ZNF568: variants seen among roughly 807,000 people sequenced by gnomAD.
The protein encoded by ZNF568 is zinc finger protein 568.
A neutral mutation model predicts 18.1 loss-of-function variants in ZNF568; 11 were observed. That is an observed-to-expected ratio of 0.61 (90% CI 0.38 to 1.00). The LOEUF (loss-of-function observed/expected upper bound fraction) is 1.00. ZNF568 is among the 50% of genes least tolerant of loss of function. ZNF568 has a pLI of 0.01. For missense variants in ZNF568, 639 were observed against 768.2 expected, an observed-to-expected ratio of 0.83 and a Z score of 1.99; for synonymous variants, 213 against 246.6, an observed-to-expected ratio of 0.86 and a Z score of 1.28.
chr19:36,948,646 T>C (rs1294475948), intron 6 of ZNF568, among the ~76,000 whole-genome samples: 1 of 146,918 alleles, frequency 6.8e-6, no homozygotes, highest in African/African-American at 2.5e-5. Context: ...CAGCAGGGGT[T>C]TTTTGTTGTT....
At chr19:36,930,080 T>C (rs2073659105) in intron 4 of ZNF568, among the ~76,000 whole-genome samples, 2 of 152,018 alleles carry the variant, frequency 1.3e-5, no homozygotes, top group Non-Finnish European at 2.9e-5. Flanking sequence ...CATTTGTATG[T>C]GAAGAGAATC....
intron 7 of ZNF568, chr19:36,976,471 A>G (rs1178853062): frequency 6.6e-6 from 1 of 152,158 alleles, no homozygotes. Flanking sequence ...TCATAGTTTC[A>G]TTGATGGCAT....
At chr19:36,967,546 G>A (rs760223101) in intron 6 of ZNF568, among the ~76,000 whole-genome samples, 1 of 152,102 alleles carries the variant, frequency 6.6e-6, no homozygotes, top group African/African-American at 2.4e-5. Context: ...CTAGGCAACA[G>A]AGCAATACTC....
At chr19:36,970,948 C>A (rs17707101) in intron 6 of ZNF568, among the ~76,000 whole-genome samples, 26,973 of 151,876 alleles carry the variant, frequency 0.18, 2,411 homozygotes, top group African/African-American at 0.21. Flanking sequence ...CCTCAAAATT[C>A]TTTTAAACCC....
intron 6 of ZNF568, among the ~76,000 whole-genome samples, chr19:36,962,282 T>TA (rs2074158749): frequency 4.1e-5 from 5 of 121,648 alleles, no homozygotes; most frequent in East Asian, 2.1e-4. Context: ...GCAGTGTTTT[T>TA]TTTTTTTTTT....
chr19:36,950,592 G>A lies in ZNF568; in HGVS notation c.1439G>A (p.Gly480Glu), dbSNP rs751934713. ...AAACCTTATGAATGCAGTGAATGTG[G>A]GAAAGCTTTTATTCAGATGTCAAAC... ...GEKPYECSEC[G>E]KAFIQMSNLI... The change falls in exon 7 of 7, where the codon GGG becomes GAG. Residue 480 changes from glycine to glutamate, a missense_variant. Coordinates refer to ENST00000333987, the MANE Select transcript of ZNF568 (RefSeq NM_198539.4). 7 of 1,613,738 alleles carry A rather than the reference G, an allele frequency of 4.3e-6. No homozygotes were observed. In the East Asian group the frequency reaches 1.1e-4, roughly 26 times the overall value.
At chr19:36,948,221 A>G (rs2073997070) in intron 6 of ZNF568, among the ~76,000 whole-genome samples, 1 of 152,146 alleles carries the variant, frequency 6.6e-6, no homozygotes, top group South Asian at 2.1e-4. Flanking sequence ...TTGGAATCAT[A>G]TAGTAGGTGG....
In ZNF568 at chr19:36,952,706, A is replaced by G. The variant is rs563097884; in HGVS notation, c.*1618A>G. The stretch of plus-strand genomic sequence containing the variant: ...TAAAAAGACTGGTAGCATATAAAAT[A>G]AATCTTAAAAGCTAATTATACACAA... On this transcript the variant is annotated 3_prime_UTR_variant, in exon 7 of 7. Coordinates refer to ENST00000333987, the MANE Select transcript of ZNF568 (RefSeq NM_198539.4). The G allele has an allele frequency of 7.9e-6, 5 of 629,342 alleles. No homozygotes were observed. In the African/African-American group the frequency reaches 1.0e-4, roughly 13 times the overall value. 39.0% of individuals were successfully genotyped at this position (629,342 alleles called of 1,614,324 possible).
chr19:36,956,606 T>C (rs1483832758), downstream of ZNF568, among the ~76,000 whole-genome samples: 1 of 152,094 alleles, frequency 6.6e-6, no homozygotes, highest in African/African-American at 2.4e-5. Context: ...AAAAACTTTT[T>C]TTTTTTTTTG....
chr19:36,966,316 TC>T (rs2074194741), intron 6 of ZNF568, among the ~76,000 whole-genome samples: 2 of 151,836 alleles, frequency 1.3e-5, no homozygotes, highest in African/African-American at 4.8e-5. Context: ...TTGCTTTGTT[TC>T]CCAGGCTGGT....
chr19:36,969,574 G>A (rs2074220652), intron 6 of ZNF568, among the ~76,000 whole-genome samples: 2 of 152,036 alleles, frequency 1.3e-5, no homozygotes, highest in South Asian at 2.1e-4. Flanking sequence ...CTTTCTCTAG[G>A]TTCTAGGGGA....
intron 4 of ZNF568, among the ~76,000 whole-genome samples, chr19:36,992,845 T>C (rs973682735): frequency 5.9e-5 from 9 of 152,222 alleles, no homozygotes; most frequent in African/African-American, 2.2e-4. Context: ...ACTTTCTGTC[T>C]ACATAGATGT....
At chr19:36,919,385 C>G (rs2146262947) in intron 2 of ZNF568, among the ~76,000 whole-genome samples, 1 of 152,180 alleles carries the variant, frequency 6.6e-6, no homozygotes, top group Non-Finnish European at 1.5e-5. Context: ...ACAGTGGTCC[C>G]CAGCCTTTTT....
At chr19:36,974,332 C>T (rs1489171862) in intron 6 of ZNF568, 13 of 1,156,632 alleles carry the variant, frequency 1.1e-5, no homozygotes, top group Non-Finnish European at 1.5e-5. Context: ...CTTTCAGTGC[C>T]TGGGGTGGGG....
downstream of ZNF568, among the ~76,000 whole-genome samples, chr19:36,981,613 G>A (rs1261326029): frequency 6.6e-6 from 1 of 151,848 alleles, no homozygotes. Flanking sequence ...TGTGACTCAC[G>A]CCTGTAACCC....
chr19:36,987,231 G>A (rs947739736), intron 2 of ZNF568, among the ~76,000 whole-genome samples: 1 of 152,074 alleles, frequency 6.6e-6, no homozygotes, highest in Non-Finnish European at 1.5e-5. Context: ...GGGTAATCTC[G>A]GTTTGGAACC....
intron 2 of ZNF568, among the ~76,000 whole-genome samples, chr19:36,920,218 A>AAAT (rs35652664): frequency 6.6e-6 from 1 of 151,666 alleles, no homozygotes; most frequent in Admixed American, 6.6e-5. Flanking sequence ...AAGTTAAAAA[A>AAAT]TTTTTAAGAA....
chr19:36,950,642 A>G lies in ZNF568; in HGVS notation c.1489A>G (p.Thr497Ala). 1 of 1,613,980 alleles carries G rather than the reference A, an allele frequency of 6.2e-7. No individual in the cohort carries two copies. Among genetic ancestry groups the G allele is most frequent in the Non-Finnish European group, 8.5e-7 (1 of 1,179,912 alleles). ...CCTCATTCGACACCAGAGAATTCAT[A>G]CGGGTGAGAAACCCTATGCATGTAC... Reference protein sequence around the residue: ...SNLIRHQRIHTGEKPYACTVC... With the variant: ...SNLIRHQRIHAGEKPYACTVC... The change falls in exon 7 of 7, where the codon ACG (threonine) becomes GCG (alanine). Residue 497 changes from threonine to alanine, a missense_variant. Transcript: ENST00000333987.
chr19:36,964,693 G>C (rs2074181281), intron 6 of ZNF568, among the ~76,000 whole-genome samples: 1 of 152,172 alleles, frequency 6.6e-6, no homozygotes, highest in Admixed American at 6.5e-5. Context: ...ACACACACTT[G>C]TAGTCCCAGC....
Sources: gnomAD v4.1 joint callset for allele counts (sites outside exome capture counted in the v4.1 genomes callset) on GRCh38, gnomAD v4.1.1 for gene constraint, MANE v1.5 for transcripts, NCBI Gene and HGNC (gene_info 2026-07-23, HGNC 2026-07-21) for gene names.